Variants in TRPV4 observed in about 807,000 individuals in gnomAD.
TRPV4 encodes OSM9-like transient receptor potential channel 4.
TRPV4 carries 58 observed loss-of-function variants against 84.1 expected under a neutral mutation model. The observed-to-expected ratio is 0.69, with a 90% CI of 0.56 to 0.86. The LOEUF (loss-of-function observed/expected upper bound fraction) is 0.86, where lower values mean the gene tolerates loss of function less well. Among genes scored for constraint, TRPV4 ranks in the 40% least tolerant of loss-of-function variants. The probability of loss-of-function intolerance (pLI) is 0.00; values close to 1 mark genes in which losing one functional copy is unlikely to be tolerated. For missense variants in TRPV4, 879 were observed against 1,181.1 expected (o/e 0.74, Z 3.75); for synonymous variants, 489 against 500.9 (o/e 0.98, Z 0.32).
intron 1 of TRPV4, among the ~76,000 whole-genome samples, chr12:109,825,866 T>G (rs1892239116): frequency 6.6e-6 from 1 of 152,144 alleles, no homozygotes; most frequent in Admixed American, 6.5e-5. Flanking sequence ...CAGTTTGAGA[T>G]CCTTCCTCTG....
Position 109,808,440 on chromosome 12 carries a change from C to A in TRPV4, c.415G>T (p.Ala139Ser). The part of the protein sequence containing the change: ...EKQPQSPKAP[A>S]PQPPPILKVF... ...TTGAGGATGGGGGGCGGCTGAGGGG[C>A]AGGGGCTTTGGGGCTCTGCGGCTGC... The change falls in exon 3 of 16, where the codon GCC becomes TCC. Residue 139 changes from alanine to serine, a missense_variant. By Grantham distance (99) the Ala-to-Ser change is moderately conservative. Coordinates refer to ENST00000261740, the MANE Select transcript of TRPV4 (RefSeq NM_021625.5). 6.2e-7 allele frequency: 1 copy of A among 1,613,922 alleles called. No individual in the cohort carries two copies. The highest frequency in any genetic ancestry group is 2.2e-5 in the East Asian group (1 of 44,876).
Position 109,814,398 on chromosome 12 carries a change from T to C in TRPV4, c.386+13A>G, listed in dbSNP as rs1891727412. ...AGGAGGAGACCACAGGCCAGGAAGC[T>C]AACAATACTCACTCTATGATCTTCT... On this transcript the variant is annotated intron_variant, in intron 2 of 15. Transcript: ENST00000261740. The surrounding 1 kb of genome is among the most constrained non-coding windows in gnomAD (Gnocchi z 5.4). 6.2e-7 allele frequency: 1 copy of C among 1,613,580 alleles called. No individual in the cohort carries two copies. The highest frequency in any genetic ancestry group is 1.1e-5 in the South Asian group (1 of 90,858).
At position 109,793,548 on chromosome 12, in the gene TRPV4, T is replaced by A. The variant is rs1314977333; in HGVS notation, c.1637A>T (p.Asp546Val). 1 of 1,613,862 alleles carries A rather than the reference T, an allele frequency of 6.2e-7. No homozygotes were observed. Among genetic ancestry groups the A allele is most frequent in the Non-Finnish European group, 8.5e-7 (1 of 1,179,980 alleles). The change falls in exon 10 of 16, where the codon GAT (aspartate) becomes GTT (valine). Residue 546 changes from aspartate to valine, a missense_variant. By Grantham distance (152) the Asp-to-Val change is radical (BLOSUM62 -3). Around this residue, in one of 4 missense-constraint regions of TRPV4, gnomAD observed 521 missense variants for 686.6 expected, o/e 0.76. Transcript: ENST00000261740. This position sits in a 1 kb window ranked among gnomAD's most constrained non-coding sequence, Gnocchi z 4.0. ...TCACTAGAGCAGCTGGAAGGAGCCA[T>A]CAATGAAGAGAGAATTCACTCCAGG... ...KCPGVNSLFI[D>V]GSFQLLYFIY...
chr12:109,821,513 C>T (rs1043300643), intron 1 of TRPV4, among the ~76,000 whole-genome samples: 1 of 151,508 alleles, frequency 6.6e-6, no homozygotes, highest in Non-Finnish European at 1.5e-5. Flanking sequence ...CAGCACTTCC[C>T]ACGATTAAAC....
At chr12:109,833,240 G>A in intron 1 of TRPV4, 110 bp downstream of exon 1, 1 of 152,408 alleles carries the variant, frequency 6.6e-6, no homozygotes, top group Non-Finnish European at 1.5e-5. Flanking sequence ...CCCCTGGCCC[G>A]CATTTTGGAG....
intron 1 of TRPV4, among the ~76,000 whole-genome samples, chr12:109,831,395 A>G (rs1031760582): frequency 6.6e-6 from 1 of 152,174 alleles, no homozygotes. Context: ...ACATTTACTA[A>G]GCGTCGGCCA....
chr12:109,827,650 G>A (rs80083029), intron 1 of TRPV4, among the ~76,000 whole-genome samples: 45,288 of 151,034 alleles, frequency 0.3, 7,358 homozygotes, highest in East Asian at 0.7. Context: ...ACATATACAC[G>A]CAAACATACA....
At position 109,786,966 on chromosome 12, in the gene TRPV4, T is replaced by G; in HGVS notation, c.2209-129A>C. On this transcript the variant is annotated intron_variant, in intron 13 of 15. Transcript: ENST00000261740. The surrounding 1 kb of genome is among the most constrained non-coding windows in gnomAD (Gnocchi z 4.5). ...AGGCATTTAGACTCCTACTCCCCAC[T>G]AGACACAGGGTTTATAAACTCAAAT... The G allele has an allele frequency of 7.7e-7, 1 of 1,302,042 alleles. No homozygotes were observed. Among genetic ancestry groups the G allele is most frequent in the Non-Finnish European group, 1.1e-6 (1 of 929,308 alleles). 80.7% of individuals were successfully genotyped at this position (1,302,042 alleles called of 1,614,324 possible). A position where few individuals can be genotyped will look rare whatever the true frequency, so the allele number is the denominator to read the frequency against.
At position 109,792,712 on chromosome 12, in the gene TRPV4, A is replaced by G; in HGVS notation, c.1764T>C (p.Asn588=). ...TCAGCCCACGGGTGAAGTAAAGGGC[A>G]TTCATCCAGCCCAGGACCAGGGCAA... ...MVFALVLGWM[N]ALYFTRGLKL... The change falls in exon 11 of 16, where the codon AAT becomes AAC. Residue 588 remains asparagine (N), a synonymous_variant. Transcript: ENST00000261740. 1.2e-6 allele frequency: 2 copies of G among 1,614,152 alleles called. No homozygotes were observed. Among genetic ancestry groups the G allele is most frequent in the South Asian group, 1.1e-5 (1 of 91,080 alleles).
intron 3 of TRPV4, among the ~76,000 whole-genome samples, chr12:109,804,459 T>G (rs1420343176): frequency 6.6e-6 from 1 of 152,152 alleles, no homozygotes; most frequent in East Asian, 1.9e-4. Context: ...TCTGGCTAAA[T>G]TAAAGCTATG....
At chr12:109,785,754 T>C (rs895145095) in intron 14 of TRPV4, among the ~76,000 whole-genome samples, 1 of 146,764 alleles carries the variant, frequency 6.8e-6, no homozygotes, top group East Asian at 2.4e-4. Flanking sequence ...GAACAGAGGC[T>C]GGGTGTGGTG....
intron 2 of TRPV4, among the ~76,000 whole-genome samples, chr12:109,809,236 C>T (rs1478170470): frequency 2.0e-5 from 3 of 147,370 alleles, no homozygotes; most frequent in African/African-American, 2.5e-5. Flanking sequence ...TACCCATCCA[C>T]CCACCCATCC....
chr12:109,819,199 C>T (rs1312888241), intron 1 of TRPV4, among the ~76,000 whole-genome samples: 5 of 152,208 alleles, frequency 3.3e-5, no homozygotes, highest in South Asian at 2.1e-4. Context: ...GCCCTAAAGG[C>T]TGTTATTACA....
intron 15 of TRPV4, among the ~76,000 whole-genome samples, chr12:109,784,102 C>T (rs1054824765): frequency 1.3e-5 from 2 of 152,156 alleles, no homozygotes; most frequent in Admixed American, 1.3e-4. Flanking sequence ...GTCCTCCCTC[C>T]CCAGGCCAGC....
chr12:109,822,858 C>A (rs1892145047), intron 1 of TRPV4, among the ~76,000 whole-genome samples: 1 of 152,200 alleles, frequency 6.6e-6, no homozygotes, highest in Admixed American at 6.5e-5. Context: ...GTGCCTGGTA[C>A]AGAGCATGCA....
At chr12:109,795,404 A>G (rs1422473445) in intron 7 of TRPV4, among the ~76,000 whole-genome samples, 1 of 152,260 alleles carries the variant, frequency 6.6e-6, no homozygotes, top group African/African-American at 2.4e-5. Flanking sequence ...CAAGGAAGCC[A>G]AGCTCACAGA....
At chr12:109,791,115 G>A (rs1407663023) in intron 12 of TRPV4, among the ~76,000 whole-genome samples, 1 of 152,164 alleles carries the variant, frequency 6.6e-6, no homozygotes, top group Non-Finnish European at 1.5e-5. Context: ...TGGTACAGTG[G>A]CTCACGCCTG....
rs1890422518 is a variant in TRPV4 at position 109,796,692 on chromosome 12, T to C, written c.1165A>G (p.Ile389Val). The C allele has an allele frequency of 1.2e-6, 2 of 1,612,770 alleles. No individual in the cohort carries two copies. The highest frequency in any genetic ancestry group is 3.3e-5 in the Admixed American group (2 of 60,008). Reference protein sequence around the residue: ...KTGKIGIFQHIIRREVTDEDT... With the variant: ...KTGKIGIFQHVIRREVTDEDT... Reference sequence around the variant, plus strand: ...TCATCCGTCACCTCCCGCCGGATGATGTGCTGAAAGATCTGCACAGGGGGC... The same window carrying C: ...TCATCCGTCACCTCCCGCCGGATGACGTGCTGAAAGATCTGCACAGGGGGC... The change falls in exon 7 of 16, where the codon ATC becomes GTC. Residue 389 changes from isoleucine to valine, a missense_variant. By Grantham distance (29) the Ile-to-Val change is conservative (BLOSUM62 3). Transcript: ENST00000261740. This position sits in a 1 kb window ranked among gnomAD's most constrained non-coding sequence, Gnocchi z 4.2.
At position 109,786,158 on chromosome 12, in the gene TRPV4, A is replaced by T. The variant is rs1236476249; in HGVS notation, c.2336+552T>A. Among the ~76,000 whole-genome samples the T allele has an allele frequency of 6.6e-6, 1 of 152,156 alleles. No homozygotes were observed. Among genetic ancestry groups the T allele is most frequent in the Non-Finnish European group, 1.5e-5 (1 of 68,030 alleles). On this transcript the variant is annotated intron_variant, in intron 14 of 15. Transcript: ENST00000261740. The surrounding 1 kb of genome is among the most constrained non-coding windows in gnomAD (Gnocchi z 4.5). ...ACAACCACTTTACAATGAATGAATCAACTGGAAAGAAAAGATTCATGAAGG... is the reference window on the plus strand; with the variant it reads ...ACAACCACTTTACAATGAATGAATCTACTGGAAAGAAAAGATTCATGAAGG...
Sources: allele counts gnomAD v4.1 joint callset (sites outside exome capture counted in the v4.1 genomes callset), GRCh38; gene constraint gnomAD v4.1.1; regional missense constraint gnomAD v4.1.1; non-coding constraint Gnocchi (gnomAD v3.1); transcripts MANE v1.5; gene names NCBI Gene and HGNC (gene_info 2026-07-23, HGNC 2026-07-21).